The following MOK variants were observed in gnomAD, a reference collection of about 807,000 sequenced individuals.
MOK encodes the protein MOK protein kinase.
MOK carries 59 observed loss-of-function variants against 54.2 expected under a neutral mutation model. The ratio of observed to expected loss-of-function variants is 1.09; its 90% CI spans 0.88 to 1.35. The LOEUF (loss-of-function observed/expected upper bound fraction) is 1.35. MOK is among the 40% of genes most tolerant of loss of function. The pLI, the probability that MOK is intolerant of heterozygous loss-of-function variation, is 0.00. For synonymous variants in MOK, 210 were observed against 202.7 expected, an observed-to-expected ratio of 1.04 and a Z score of -0.31; for missense variants, 517 against 526.2, an observed-to-expected ratio of 0.98 and a Z score of 0.17.
intron 4 of MOK, among the ~76,000 whole-genome samples, chr14:102,253,842 A>G (rs983494327): frequency 2.0e-5 from 3 of 152,210 alleles, no homozygotes; most frequent in African/African-American, 7.2e-5. Context: ...TCCTCCCTCC[A>G]TGAGCACATA....
At chr14:102,262,373 G>C (rs1207464696) in intron 4 of MOK, among the ~76,000 whole-genome samples, 1 of 152,136 alleles carries the variant, frequency 6.6e-6, no homozygotes, top group African/African-American at 2.4e-5. Flanking sequence ...GGCTGGTCTT[G>C]AACTCCTGAC....
intron 7 of MOK, among the ~76,000 whole-genome samples, chr14:102,248,536 T>C (rs927440310): frequency 2.0e-5 from 3 of 152,072 alleles, no homozygotes; most frequent in Non-Finnish European, 4.4e-5. Context: ...CCCAGCACTT[T>C]GGGAGGCTGA....
At chr14:102,304,872 C>G in intron 1 of MOK, 90 bp downstream of exon 1, 7 of 1,446,224 alleles carry the variant, frequency 4.8e-6, no homozygotes, top group Non-Finnish European at 4.7e-6. Flanking sequence ...CCCGGCCCCA[C>G]AGGCCCCTCA....
At chr14:102,266,676 G>A (rs190577199) in intron 2 of MOK, among the ~76,000 whole-genome samples, 43 of 152,106 alleles carry the variant, frequency 2.8e-4, no homozygotes, top group Middle Eastern at 3.4e-3. Flanking sequence ...TCTGCCTCCC[G>A]GGTTCAAGCG....
At chr14:102,267,971 T>C (rs1390489910) in intron 2 of MOK, among the ~76,000 whole-genome samples, 1 of 151,688 alleles carries the variant, frequency 6.6e-6, no homozygotes, top group Non-Finnish European at 1.5e-5. Context: ...AAAAAAAAAT[T>C]CCAGGCCAAA....
rs912255720 is a variant in MOK, at chr14:102,274,204, G to A, written c.123-8292C>T. On this transcript the variant is annotated intron_variant, in intron 2 of 11. Transcript: ENST00000361847. Reference sequence around the variant, plus strand: ...GACCTCCTGACCTCATGATCTGCCCGCCTCGGCCTCCCAAAGTGCTGGGAT... The same window carrying A: ...GACCTCCTGACCTCATGATCTGCCCACCTCGGCCTCCCAAAGTGCTGGGAT... Among the ~76,000 whole-genome samples the A allele has an allele frequency of 3.3e-5, 5 of 150,358 alleles. No homozygotes were observed. In the South Asian group the frequency reaches 6.3e-4, roughly 19 times the overall value.
intron 3 of MOK, among the ~76,000 whole-genome samples, chr14:102,265,252 C>T (rs1237115477): frequency 1.3e-5 from 2 of 152,204 alleles, no homozygotes; most frequent in African/African-American, 2.4e-5. Flanking sequence ...AGCAGCCTAA[C>T]TGAGCTCCAG....
In MOK at chr14:102,245,663, G is replaced by A. The variant is rs115470995; in HGVS notation, c.590+5149C>T. Among the ~76,000 whole-genome samples the A allele has an allele frequency of 4.6e-3, 704 of 151,772 alleles. 6 individuals are homozygous for A. Among genetic ancestry groups the A allele is most frequent in the African/African-American group, 0.016 (652 of 41,354 alleles). ...AACGGCCCCACCCCTATCTCCCTTC[G>A]ATGATTCTCTTTTCGGACTCAGCCC... On this transcript the variant is annotated intron_variant, in intron 7 of 11. Coordinates refer to ENST00000361847, the MANE Select transcript of MOK (RefSeq NM_014226.3). The surrounding 1 kb of genome is among the most constrained non-coding windows in gnomAD (Gnocchi z 4.3).
At chr14:102,266,530 G>A (rs367926297) in intron 2 of MOK, among the ~76,000 whole-genome samples, 2 of 151,966 alleles carry the variant, frequency 1.3e-5, no homozygotes, top group Admixed American at 6.6e-5. Flanking sequence ...GATTACAAGC[G>A]TGAGCCACTG....
At chr14:102,218,112 A>ATTT in the MOK span, among the ~76,000 whole-genome samples, 3 of 152,332 alleles carry the variant, frequency 2.0e-5, no homozygotes, top group East Asian at 5.8e-4. Context: ...CGATCTCAGG[A>ATTT]GAGAAGCGCT....
At chr14:102,220,879 C>A (rs2063812291), downstream of MOK, among the ~76,000 whole-genome samples, 1 of 152,132 alleles carries the variant, frequency 6.6e-6, no homozygotes, top group South Asian at 2.1e-4. The surrounding 1 kb of genome is among the most constrained non-coding windows in gnomAD (Gnocchi z 4.2). Flanking sequence ...AGCCATCCTC[C>A]TGCCACACAG....
chr14:102,227,361 T>C, downstream of MOK, among the ~76,000 whole-genome samples: 1 of 140,464 alleles, frequency 7.1e-6, no homozygotes, highest in South Asian at 2.6e-4. Context: ...CAGCCTTCTG[T>C]CCCCCAGCCC....
chr14:102,246,574 A>G (rs909691705), intron 7 of MOK, among the ~76,000 whole-genome samples: 1 of 151,992 alleles, frequency 6.6e-6, no homozygotes, highest in Non-Finnish European at 1.5e-5. Context: ...ACAACATACA[A>G]TGCAACCCCT....
At chr14:102,220,131 TCTGGCAGC>T (rs1434904563), downstream of MOK, among the ~76,000 whole-genome samples, 1 of 152,234 alleles carries the variant, frequency 6.6e-6, no homozygotes, top group African/African-American at 2.4e-5. This position sits in a 1 kb window ranked among gnomAD's most constrained non-coding sequence, Gnocchi z 4.2. Flanking sequence ...AACATCAGGC[TCTGGCAGC>T]CTGGTGGCTG....
rs1484322013 is a variant in MOK at position 102,238,804 on chromosome 14, T to C, written c.591-5015A>G. Among the ~76,000 whole-genome samples, 1 of 152,098 alleles carries C rather than the reference T, an allele frequency of 6.6e-6. No homozygotes were observed. Among genetic ancestry groups the C allele is most frequent in the Non-Finnish European group, 1.5e-5 (1 of 68,014 alleles). Reference sequence around the variant, plus strand: ...CATATTTCTTCTCCCCTCACCTATTTACCTCACTAAAAAGTATAACTTCAA... The same window carrying C: ...CATATTTCTTCTCCCCTCACCTATTCACCTCACTAAAAAGTATAACTTCAA... On this transcript the variant is annotated intron_variant, in intron 7 of 11. Transcript: ENST00000361847. The surrounding 1 kb of genome is among the most constrained non-coding windows in gnomAD (Gnocchi z 4.8).
rs1318953290 is a variant in MOK at position 102,236,235 on chromosome 14, G to A, written c.591-2446C>T. Among the ~76,000 whole-genome samples, 3 of 152,216 alleles carry A rather than the reference G, an allele frequency of 2.0e-5. No homozygotes were observed. The highest frequency in any genetic ancestry group is 6.5e-5 in the Admixed American group (1 of 15,280). On this transcript the variant is annotated intron_variant, in intron 7 of 11. Coordinates refer to ENST00000361847, the MANE Select transcript of MOK (RefSeq NM_014226.3). The surrounding 1 kb of genome is among the most constrained non-coding windows in gnomAD (Gnocchi z 4.5). Reference sequence around the variant, plus strand: ...GCCGCTGAGGACTGACCGGGCCCAGGGCCCCCGGCCCCATCTGCCATCACT... The same window carrying A: ...GCCGCTGAGGACTGACCGGGCCCAGAGCCCCCGGCCCCATCTGCCATCACT...
At chr14:102,251,837 A>G (rs763876610) in intron 5 of MOK, 33 bp from the exon 6 acceptor site, 1 of 1,545,900 alleles carries the variant, frequency 6.5e-7, no homozygotes, top group Admixed American at 1.7e-5. Context: ...ATAGAATTAC[A>G]CTTCATTTAT....
chr14:102,227,790 C>T (rs554703272), downstream of MOK, among the ~76,000 whole-genome samples: 6 of 152,328 alleles, frequency 3.9e-5, no homozygotes, highest in Admixed American at 1.3e-4. Context: ...GCGTGGCCCG[C>T]GGTCCATCTC....
At position 102,231,735 on chromosome 14, in the gene MOK, C is replaced by T. The variant is rs918133288; in HGVS notation, c.953G>A (p.Cys318Tyr). Residue 318 changes from cysteine (C) to tyrosine (Y), a missense_variant, in exon 10 of 12, where the codon TGC becomes TAC. Transcript: ENST00000361847. This position sits in a 1 kb window ranked among gnomAD's most constrained non-coding sequence, Gnocchi z 4.4. ...PVAPEPLSNS[C>Y]QISKEGRKQK... ...CTTTCTGCCCTCCTTGGAAATCTGG[C>T]AGCTGTTACTGAGTGGTTCCGGTGC... is the stretch of plus-strand genomic sequence containing the variant. The T allele has an allele frequency of 2.5e-6, 4 of 1,611,520 alleles. No homozygotes were observed. The African/African-American group carries it at 4.0e-5, about 16-fold the overall frequency.
Sources: allele counts gnomAD v4.1 joint callset (sites outside exome capture counted in the v4.1 genomes callset), GRCh38; gene constraint gnomAD v4.1.1; non-coding constraint Gnocchi (gnomAD v3.1); transcripts MANE v1.5; gene names NCBI Gene and HGNC (gene_info 2026-07-23, HGNC 2026-07-21).